The following RACGAP1 variants were observed in gnomAD, a reference collection of about 807,000 sequenced individuals.
RACGAP1 encodes rac GTPase-activating protein 1.
Under a neutral mutation model 78.1 loss-of-function variants are expected in RACGAP1, and 30 were observed. That is an observed-to-expected ratio of 0.38 (90% CI 0.29 to 0.52). The LOEUF (loss-of-function observed/expected upper bound fraction) is 0.52. Ranked by LOEUF, RACGAP1 falls within the 20% of genes least tolerant of loss-of-function variation. The pLI is 0.82. For missense variants in RACGAP1, 587 were observed against 777.1 expected (o/e 0.76, Z 2.91); for synonymous variants, 231 against 264.8 (o/e 0.87, Z 1.24).
chr12:49,998,326 C>T (rs531971661), intron 9 of RACGAP1, among the ~76,000 whole-genome samples: 1 of 151,466 alleles, frequency 6.6e-6, no homozygotes, highest in South Asian at 2.1e-4. Context: ...ATTGCTTGAA[C>T]CCGGGAGGCA....
At position 49,992,513 on chromosome 12, in the gene RACGAP1, T is replaced by C. The variant is rs764438358; in HGVS notation, c.1445+37A>G. 1.9e-6 allele frequency: 3 copies of C among 1,596,304 alleles called. No individual in the cohort carries two copies. In the South Asian group the frequency reaches 3.4e-5, roughly 18 times the overall value. The stretch of plus-strand genomic sequence containing the variant: ...ACATTATCTTCCCCTTGGAAAAAAA[T>C]TCCCTAACTCCCAGAACAAGTTTCT... On this transcript the variant is annotated intron_variant, in intron 13 of 16. Coordinates refer to ENST00000312377, the MANE Select transcript of RACGAP1 (RefSeq NM_001319999.2).
At chr12:50,016,893 C>A in intron 1 of RACGAP1, 174 bp from the exon 2 acceptor site, 1 of 1,376,944 alleles carries the variant, frequency 7.3e-7, no homozygotes, top group Non-Finnish European at 9.4e-7. Flanking sequence ...TAAAAACAAA[C>A]TTGGAATGTT....
At position 50,031,067 on chromosome 12, in the gene RACGAP1, C is replaced by T. The variant is rs146278322; in HGVS notation, c.-24+630G>A. Among the ~76,000 whole-genome samples the T allele has an allele frequency of 2.1e-3, 319 of 151,570 alleles. 2 individuals are homozygous for T. The highest frequency in any genetic ancestry group is 7.0e-3 in the African/African-American group (290 of 41,328). On this transcript the variant is annotated intron_variant, in intron 2 of 3. Transcript: ENST00000548247. ...AGTGCTAGGATTACAGACGCCACCG[C>T]GCCCGGCCAATTTTTAAAAATAAAC... is the stretch of plus-strand genomic sequence containing the variant.
upstream of RACGAP1, among the ~76,000 whole-genome samples, chr12:50,030,371 C>T (rs569547140): frequency 4.2e-4 from 62 of 147,686 alleles, no homozygotes; most frequent in Non-Finnish European, 7.0e-4. Flanking sequence ...AAAAAAGCAG[C>T]TATATTTAAT....
upstream of RACGAP1, among the ~76,000 whole-genome samples, chr12:50,027,107 G>A (rs182494747): frequency 5.9e-5 from 9 of 152,252 alleles, no homozygotes; most frequent in African/African-American, 1.9e-4. Flanking sequence ...TTCCCAGATC[G>A]ACTGAGACAC....
intron 2 of RACGAP1, among the ~76,000 whole-genome samples, chr12:50,010,358 C>G (rs1186906386): frequency 1.3e-5 from 2 of 149,044 alleles, no homozygotes; most frequent in South Asian, 2.1e-4. Context: ...GAGTCTCACT[C>G]TGTTGCCCAG....
chr12:50,014,142 ACT>A (rs1949514065), intron 2 of RACGAP1, among the ~76,000 whole-genome samples: 2 of 152,250 alleles, frequency 1.3e-5, no homozygotes, highest in African/African-American at 4.8e-5. Flanking sequence ...ACAAGTAAGT[ACT>A]ATAGAAATAA....
At chr12:50,030,397 G>A (rs529066867), upstream of RACGAP1, among the ~76,000 whole-genome samples, 13 of 148,240 alleles carry the variant, frequency 8.8e-5, 1 homozygote, top group Admixed American at 4.0e-4. Context: ...CATAATATAT[G>A]TACAGTCTGA....
chr12:50,025,542 C>A, upstream of RACGAP1: 1 of 985,506 alleles, frequency 1.0e-6, no homozygotes, highest in Non-Finnish European at 1.2e-6. Flanking sequence ...CGCCGTCCCT[C>A]TACGGTGTGA....
chr12:50,018,616 C>G (rs541612330), intron 1 of RACGAP1: 99 of 1,219,564 alleles, frequency 8.1e-5, no homozygotes, highest in Non-Finnish European at 1.0e-4. Flanking sequence ...AGACTCTAAT[C>G]AGTAGTTTTA....
intron 2 of RACGAP1, among the ~76,000 whole-genome samples, chr12:50,012,205 T>C (rs2137542136): frequency 6.6e-6 from 1 of 152,252 alleles, no homozygotes; most frequent in South Asian, 2.1e-4. Context: ...GGCGGTTGGA[T>C]CACCTGAGGT....
intron 1 of RACGAP1, among the ~76,000 whole-genome samples, chr12:50,021,721 T>A (rs1168868190): frequency 6.6e-6 from 1 of 152,164 alleles, no homozygotes; most frequent in Non-Finnish European, 1.5e-5. Context: ...CAGGAAAGTG[T>A]TTTAATGAAA....
intron 2 of RACGAP1, 88 bp downstream of exon 2, chr12:50,016,543 T>C (rs1484356315): frequency 1.4e-6 from 2 of 1,405,462 alleles, no homozygotes; most frequent in Non-Finnish European, 2.0e-6. Context: ...GGAAAACAAC[T>C]TTAAGATTGG....
In RACGAP1 at chr12:50,016,570, G is replaced by A. The variant is rs899875606; in HGVS notation, c.85+61C>T. 6 of 1,521,552 alleles carry A rather than the reference G, an allele frequency of 3.9e-6. No homozygotes were observed. In the African/African-American group the frequency reaches 4.1e-5, roughly 10 times the overall value. 94.3% of individuals were successfully genotyped at this position (1,521,552 alleles called of 1,614,324 possible). On this transcript the variant is annotated intron_variant, in intron 2 of 16. Coordinates refer to ENST00000312377, the MANE Select transcript of RACGAP1 (RefSeq NM_001319999.2). ...TAAGATTGGAAAATACTTCAGCTTT[G>A]TAAAAATCCCAAATTTGAAATCTGT...
At chr12:50,021,715 A>G (rs908430292) in intron 1 of RACGAP1, among the ~76,000 whole-genome samples, 1 of 152,220 alleles carries the variant, frequency 6.6e-6, no homozygotes, top group South Asian at 2.1e-4. Flanking sequence ...GTTTTTCAGG[A>G]AAGTGTTTTA....
intron 1 of RACGAP1, among the ~76,000 whole-genome samples, chr12:50,022,745 C>A (rs1411927605): frequency 6.6e-6 from 1 of 152,154 alleles, no homozygotes; most frequent in African/African-American, 2.4e-5. Flanking sequence ...TGTTTTGCTT[C>A]TATCATGTTT....
chr12:49,990,633 G>T, intron 16 of RACGAP1, 51 bp downstream of exon 16: 1 of 1,397,008 alleles, frequency 7.2e-7, no homozygotes, highest in Non-Finnish European at 1.0e-6. Flanking sequence ...ATAATAAGAA[G>T]TCTAAGAAAG....
chr12:50,015,807 TAAAAA>T (rs923978797), intron 2 of RACGAP1, among the ~76,000 whole-genome samples: 1 of 138,394 alleles, frequency 7.2e-6, no homozygotes, highest in Non-Finnish European at 1.6e-5. Context: ...ATCTCAAAAA[TAAAAA>T]AAAAATTAAA....
chr12:50,022,158 A>G (rs1028456672), intron 1 of RACGAP1, among the ~76,000 whole-genome samples: 1 of 152,226 alleles, frequency 6.6e-6, no homozygotes, highest in Non-Finnish European at 1.5e-5. Flanking sequence ...AAGGTCTAGA[A>G]TAAGTCTCAC....
Sources: allele counts gnomAD v4.1 joint callset (sites outside exome capture counted in the v4.1 genomes callset), GRCh38; gene constraint gnomAD v4.1.1; transcripts MANE v1.5; gene names NCBI Gene and HGNC (gene_info 2026-07-23, HGNC 2026-07-21).